PSKH2: variants seen among roughly 807,000 people sequenced by gnomAD.
The protein encoded by PSKH2 is serine/threonine-protein kinase H2.
PSKH2 carries 16 observed loss-of-function variants against 22.5 expected under a neutral mutation model. The observed-to-expected ratio is 0.71, with a 90% confidence interval of 0.48 to 1.08. PSKH2 has a LOEUF of 1.08. PSKH2 is among the 50% of genes least tolerant of loss of function. PSKH2 has a pLI of 0.00. For missense variants in PSKH2, 516 were observed against 492.8 expected (o/e 1.05, Z -0.44); for synonymous variants, 188 against 184.8 (o/e 1.02, Z -0.14).
At position 86,064,077 on chromosome 8, in the gene PSKH2, G is replaced by C; in HGVS notation, c.740C>G (p.Ala247Gly). The C allele has an allele frequency of 6.2e-7, 1 of 1,614,084 alleles. No individual in the cohort carries two copies. Among genetic ancestry groups the C allele is most frequent in the Non-Finnish European group, 8.5e-7 (1 of 1,179,998 alleles). ...TAAAGCATATGTGATCACACCAAGA[G>C]CCCACATGTCCACTGCACTGGTATA... ...KPYTSAVDMW[A>G]LGVITYALLS... Residue 247 changes from alanine (A) to glycine (G), a missense_variant, in exon 2 of 3, where the codon GCT (alanine) becomes GGT (glycine). By Grantham distance (60) the Ala-to-Gly change is moderately conservative. Transcript: ENST00000276616.
chr8:86,057,618 C>T (rs536789663), intron 2 of PSKH2, among the ~76,000 whole-genome samples: 1 of 152,090 alleles, frequency 6.6e-6, no homozygotes, highest in Non-Finnish European at 1.5e-5. Flanking sequence ...ATCTCTTGGC[C>T]TTATGATCCG....
In PSKH2 at chr8:86,069,591, G is replaced by C. The variant is rs780107173; in HGVS notation, c.32C>G (p.Pro11Arg). 2 of 1,595,158 alleles carry C rather than the reference G, an allele frequency of 1.3e-6. No individual in the cohort carries two copies. The highest frequency in any genetic ancestry group is 1.7e-6 in the Non-Finnish European group (2 of 1,172,888). The change falls in exon 1 of 3, where the codon CCG (proline) becomes CGG (arginine). Residue 11 changes from proline to arginine, a missense_variant. Physicochemically the swap from Pro to Arg is moderately radical, Grantham distance 103. Coordinates refer to ENST00000276616, the MANE Select transcript of PSKH2 (RefSeq NM_033126.3). ...GGCCCAAGCCAGCGCTGGTGGCCCC[G>C]GGACCACCTTCCTGCTGGCGCCGCA... MGCGASRKVVPGPPALAWAKH... is the reference protein window; with the variant it reads MGCGASRKVVRGPPALAWAKH...
rs892243560 is a variant in PSKH2, at chr8:86,056,131, A to AT, written c.853-7365dup. Among the ~76,000 whole-genome samples, 107 of 147,878 alleles carry AT rather than the reference A, an allele frequency of 7.2e-4. 2 individuals carry two copies. Among genetic ancestry groups the AT allele is most frequent in the African/African-American group, 2.1e-3 (85 of 40,372 alleles). On this transcript the variant is annotated intron_variant, in intron 2 of 2. Coordinates refer to ENST00000276616, the MANE Select transcript of PSKH2 (RefSeq NM_033126.3). ...TAACAAGACCCTATCTCTACAAAAG[A>AT]TTTTTTTTTTTAAATGAGCTGTGCG...
chr8:86,064,312 C>G lies in PSKH2; in HGVS notation c.505G>C (p.Asp169His). 6.2e-7 allele frequency: 1 copy of G among 1,614,148 alleles called. No homozygotes were observed. The highest frequency in any genetic ancestry group is 8.5e-7 in the Non-Finnish European group (1 of 1,180,020). The stretch of plus-strand genomic sequence containing the variant: ...AGCGCATGCAAATACCTAATCCCAT[C>G]AGCAACCATCTGGAGGATCCTGACG... Reference protein sequence around the residue: ...DAVRILQMVADGIRYLHALQI... With the variant: ...DAVRILQMVAHGIRYLHALQI... Residue 169 changes from aspartate to histidine, a missense_variant, in exon 2 of 3, where the codon GAT becomes CAT. Transcript: ENST00000276616.
intron 2 of PSKH2, among the ~76,000 whole-genome samples, chr8:86,051,659 T>C (rs1456507495): frequency 6.6e-6 from 1 of 152,232 alleles, no homozygotes; most frequent in Non-Finnish European, 1.5e-5. Flanking sequence ...CAAATCTATC[T>C]GAGCTCAAGA....
At chr8:86,054,168 C>T (rs768721219) in intron 2 of PSKH2, among the ~76,000 whole-genome samples, 3 of 152,062 alleles carry the variant, frequency 2.0e-5, no homozygotes, top group Non-Finnish European at 4.4e-5. Context: ...AAATATAGAG[C>T]TCTTGAAGTA....
chr8:86,066,659 T>G (rs1309851834), intron 1 of PSKH2, among the ~76,000 whole-genome samples: 2 of 152,174 alleles, frequency 1.3e-5, no homozygotes. Flanking sequence ...ACTTCTTTTA[T>G]TGAGCTTATT....
intron 2 of PSKH2, among the ~76,000 whole-genome samples, chr8:86,053,155 T>C (rs1817656601): frequency 6.6e-6 from 1 of 152,198 alleles, no homozygotes; most frequent in Non-Finnish European, 1.5e-5. Flanking sequence ...CCAGGCCCTT[T>C]AAAAGAGTCT....
intron 2 of PSKH2, among the ~76,000 whole-genome samples, chr8:86,057,384 GT>G (rs1436697760): frequency 6.8e-6 from 1 of 147,718 alleles, no homozygotes; most frequent in Non-Finnish European, 1.5e-5. Flanking sequence ...TTTTGTTTTT[GT>G]TTTTTTGAGA....
chr8:86,064,454 G>C lies in PSKH2; in HGVS notation c.363C>G (p.Val121=), dbSNP rs1446433971. 4 of 1,613,966 alleles carry C rather than the reference G, an allele frequency of 2.5e-6. No homozygotes were observed. The South Asian group carries it at 4.4e-5, about 18-fold the overall frequency. Reference sequence around the variant, plus strand: ...CAGTCTCAAAGATCTCCATGAGCTGGACAATGTAACGATGGCTAACCCGCC... The same window carrying C: ...CAGTCTCAAAGATCTCCATGAGCTGCACAATGTAACGATGGCTAACCCGCC... The part of the protein sequence containing the change: ...VLRRVSHRYI[V]QLMEIFETED... Residue 121 remains valine, a synonymous_variant, in exon 2 of 3, where the codon GTC becomes GTG. Coordinates refer to ENST00000276616, the MANE Select transcript of PSKH2 (RefSeq NM_033126.3).
intron 1 of PSKH2, among the ~76,000 whole-genome samples, chr8:86,067,412 A>G (rs1271060577): frequency 1.2e-5 from 1 of 85,586 alleles, no homozygotes; most frequent in Non-Finnish European, 3.2e-5. Flanking sequence ...TTCACTGAAT[A>G]CATATTATTC....
At chr8:86,062,878 A>G (rs1021187312) in intron 2 of PSKH2, among the ~76,000 whole-genome samples, 2 of 152,196 alleles carry the variant, frequency 1.3e-5, no homozygotes, top group Non-Finnish European at 2.9e-5. Context: ...ATCTCTCAGT[A>G]CCCTTCACAG....
rs1254599704 is a variant in PSKH2 at position 86,064,143 on chromosome 8, G to A, written c.674C>T (p.Thr225Ile). 3 of 1,614,132 alleles carry A rather than the reference G, an allele frequency of 1.9e-6. No individual in the cohort carries two copies. Among genetic ancestry groups the A allele is most frequent in the Non-Finnish European group, 2.5e-6 (3 of 1,180,036 alleles). The stretch of plus-strand genomic sequence containing the variant: ...AACCTCAGGAGCTATGTACTCTGGG[G>A]TCCCACAGAGTGTCTTCATTGTCCA... ...GDWTMKTLCG[T>I]PEYIAPEVLL... The change falls in exon 2 of 3, where the codon ACC becomes ATC. Residue 225 changes from threonine (T) to isoleucine (I), a missense_variant. By Grantham distance (89) the Thr-to-Ile change is moderately conservative. Coordinates refer to ENST00000276616, the MANE Select transcript of PSKH2 (RefSeq NM_033126.3).
At chr8:86,057,090 T>TA (rs1817708878) in intron 2 of PSKH2, among the ~76,000 whole-genome samples, 1 of 151,898 alleles carries the variant, frequency 6.6e-6, no homozygotes, top group Non-Finnish European at 1.5e-5. Flanking sequence ...ACCTAATTTT[T>TA]AAAAAATGTT....
chr8:86,052,774 G>A (rs142369982), intron 2 of PSKH2, among the ~76,000 whole-genome samples: 4 of 152,266 alleles, frequency 2.6e-5, no homozygotes, highest in East Asian at 1.9e-4. Context: ...ACAAAAAAAG[G>A]AGAACTTTAT....
At position 86,047,921 on chromosome 8, in the gene PSKH2, T is replaced by TAAG. The variant is rs936233048; in HGVS notation, c.*540_*541insCTT. Among the ~76,000 whole-genome samples, 10 of 152,286 alleles carry TAAG rather than the reference T, an allele frequency of 6.6e-5. No individual in the cohort carries two copies. Among genetic ancestry groups the TAAG allele is most frequent in the African/African-American group, 2.4e-4 (10 of 41,582 alleles). On this transcript the variant is annotated 3_prime_UTR_variant, in exon 3 of 3. Transcript: ENST00000276616. Reference sequence around the variant, plus strand: ...CCCCAATTAGACTAAAAGTTTCTGATAGATTGAAATTATATCTTATAGTTC... The same window carrying TAAG: ...CCCCAATTAGACTAAAAGTTTCTGATAAGAGATTGAAATTATATCTTATAGTTC...
chr8:86,051,384 G>A (rs1341139352), intron 2 of PSKH2, among the ~76,000 whole-genome samples: 3 of 152,078 alleles, frequency 2.0e-5, no homozygotes, highest in African/African-American at 7.2e-5. Context: ...ACTGCCCCCC[G>A]CCTTAATCCA....
At chr8:86,063,716 C>G (rs909428359) in intron 2 of PSKH2, among the ~76,000 whole-genome samples, 16 of 152,198 alleles carry the variant, frequency 1.1e-4, no homozygotes, top group African/African-American at 3.4e-4. Flanking sequence ...TATCTTGAGT[C>G]AAATGGCTCT....
In PSKH2 at chr8:86,060,592, G is replaced by A. The variant is rs78333357; in HGVS notation, c.852+3373C>T. ...TCTGTTGAGCCCTAACCCCCAGTGTGGCTATGTTTGGAGATGAGGCCTCTA... is the reference window on the plus strand; with the variant it reads ...TCTGTTGAGCCCTAACCCCCAGTGTAGCTATGTTTGGAGATGAGGCCTCTA... On this transcript the variant is annotated intron_variant, in intron 2 of 2. Transcript: ENST00000276616. 4.6e-5 allele frequency among the ~76,000 whole-genome samples: 7 copies of A among 152,102 alleles called. No individual in the cohort carries two copies. The East Asian group carries it at 1.4e-3, about 29-fold the overall frequency.
Sources: gnomAD v4.1 joint callset for allele counts (sites outside exome capture counted in the v4.1 genomes callset) on GRCh38, gnomAD v4.1.1 for gene constraint, MANE v1.5 for transcripts, NCBI Gene and HGNC (gene_info 2026-07-23, HGNC 2026-07-21) for gene names.